The following MRE11 variants were observed in gnomAD, a reference collection of about 807,000 sequenced individuals.
MRE11 encodes double-strand break repair protein MRE11.
A neutral mutation model predicts 91.7 loss-of-function variants in MRE11; 62 were observed. The observed-to-expected ratio is 0.68, with a 90% confidence interval of 0.55 to 0.84. MRE11 has a LOEUF of 0.84. Among genes scored for constraint, MRE11 ranks in the 40% least tolerant of loss-of-function variants. The probability of loss-of-function intolerance (pLI) is 0.00; values close to 1 mark genes in which losing one functional copy is unlikely to be tolerated. For missense variants in MRE11, 796 were observed against 852.9 expected (o/e 0.93, Z 0.83); for synonymous variants, 273 against 271.4 (o/e 1.01, Z -0.06).
upstream of MRE11, chr11:94,493,864 A>T (rs1025486916): frequency 6.6e-6 from 1 of 152,222 alleles, no homozygotes; most frequent in Non-Finnish European, 1.5e-5. Flanking sequence ...GCGACACTTC[A>T]TGGATAACGT....
At chr11:94,420,274 G>A in intron 19 of MRE11, 93 bp from the exon 20 acceptor site, 1 of 958,236 alleles carries the variant, frequency 1.0e-6, no homozygotes, top group Non-Finnish European at 1.7e-6. Flanking sequence ...ACCAGTGAGA[G>A]TCATTTCACA....
chr11:94,440,215 T>C (rs1591646302), intron 16 of MRE11, among the ~76,000 whole-genome samples: 1 of 152,226 alleles, frequency 6.6e-6, no homozygotes, highest in South Asian at 2.1e-4. Flanking sequence ...TTTTCATAGA[T>C]GAATACTGTT....
At chr11:94,447,595 G>A (rs770115490) in intron 14 of MRE11, among the ~76,000 whole-genome samples, 157 bp from the exon 15 acceptor site, 30 of 150,432 alleles carry the variant, frequency 2.0e-4, no homozygotes, top group Non-Finnish European at 3.8e-4. Context: ...TTGGGAGGCC[G>A]AGGCGGGAGG....
chr11:94,493,959 C>T (rs11020802), upstream of MRE11: 368 of 152,210 alleles, frequency 2.4e-3, 3 homozygotes, highest in African/African-American at 8.1e-3. Flanking sequence ...CCCGCCCTCA[C>T]GCAGGAGCCA....
chr11:94,433,566 G>A (rs929594120), intron 18 of MRE11, among the ~76,000 whole-genome samples: 1 of 152,130 alleles, frequency 6.6e-6, no homozygotes, highest in Non-Finnish European at 1.5e-5. Flanking sequence ...ATTCTGGGAG[G>A]GACCTGGTGG....
At chr11:94,488,272 T>C (rs78625763) in intron 3 of MRE11, among the ~76,000 whole-genome samples, 3,768 of 152,230 alleles carry the variant, frequency 0.025, 74 homozygotes, top group Non-Finnish European at 0.032. Flanking sequence ...AAAATGCACC[T>C]TACATTCTAT....
Position 94,447,081 on chromosome 11 carries a change from T to C in MRE11, c.1783+138A>G, listed in dbSNP as rs1293617025. 4 of 921,734 alleles carry C rather than the reference T, an allele frequency of 4.3e-6. No individual in the cohort carries two copies. In the African/African-American group the frequency reaches 6.6e-5, roughly 15 times the overall value. The allele number at this position is 921,734 out of a possible 1,614,324, so 57.1% of individuals were successfully genotyped here. A position where few individuals can be genotyped will look rare whatever the true frequency, so the allele number is the denominator to read the frequency against. On this transcript the variant is annotated intron_variant, in intron 15 of 19. Transcript: ENST00000323929. Reference sequence around the variant, plus strand: ...TCAGAACTGCCTTAAAGACTGTCTTTATATATTATAAAAATAGATTTTTAA... The same window carrying C: ...TCAGAACTGCCTTAAAGACTGTCTTCATATATTATAAAAATAGATTTTTAA...
intron 10 of MRE11, among the ~76,000 whole-genome samples, chr11:94,465,353 A>G (rs750870656): frequency 3.3e-5 from 5 of 151,794 alleles, no homozygotes; most frequent in African/African-American, 4.8e-5. Context: ...GATTCCCTTA[A>G]AGTAATTATT....
chr11:94,459,732 G>C, intron 12 of MRE11, 151 bp from the exon 13 acceptor site: 4 of 867,812 alleles, frequency 4.6e-6, no homozygotes, highest in Non-Finnish European at 5.2e-6. Flanking sequence ...ACCAGAAAAA[G>C]CAAAGTCAAA....
chr11:94,509,657 G>A, the MRE11 span, among the ~76,000 whole-genome samples: 1 of 151,998 alleles, frequency 6.6e-6, no homozygotes, highest in African/African-American at 2.4e-5. Flanking sequence ...TGGCCAGATG[G>A]TCTCGATCCC....
chr11:94,417,902 C>T lies in MRE11; in HGVS notation c.*2223G>A, dbSNP rs1031727555. On this transcript the variant is annotated 3_prime_UTR_variant, in exon 20 of 20. Coordinates refer to ENST00000323929, the MANE Select transcript of MRE11 (RefSeq NM_005591.4). The stretch of plus-strand genomic sequence containing the variant: ...CGAGGAATCTTTAACCTTGTAAATG[C>T]ACTGTTGTATTTTTATGATAGGAAA... The T allele has an allele frequency of 4.3e-6, 1 of 232,874 alleles. No homozygotes were observed. Among genetic ancestry groups the T allele is most frequent in the Non-Finnish European group, 8.5e-6 (1 of 117,948 alleles). The allele number at this position is 232,874 out of a possible 1,614,324, so 14.4% of individuals were successfully genotyped here. A position where few individuals can be genotyped will look rare whatever the true frequency, so the allele number is the denominator to read the frequency against.
intron 16 of MRE11, among the ~76,000 whole-genome samples, chr11:94,442,756 A>G (rs1010761822): frequency 1.3e-5 from 2 of 152,232 alleles, no homozygotes; most frequent in Non-Finnish European, 2.9e-5. Context: ...AATCATATCT[A>G]AACAAACTAG....
chr11:94,461,333 T>C (rs947415201), intron 11 of MRE11, among the ~76,000 whole-genome samples: 2 of 152,194 alleles, frequency 1.3e-5, no homozygotes, highest in Non-Finnish European at 2.9e-5. Flanking sequence ...ACGTCAAAAA[T>C]ACTTTCATAA....
At chr11:94,425,147 A>T (rs1945276944) in intron 19 of MRE11, among the ~76,000 whole-genome samples, 1 of 152,250 alleles carries the variant, frequency 6.6e-6, no homozygotes, top group African/African-American at 2.4e-5. Context: ...ACCAGCGGAC[A>T]TCTCGGCAGA....
At chr11:94,447,146 G>A in intron 15 of MRE11, 73 bp downstream of exon 15, 1 of 1,405,430 alleles carries the variant, frequency 7.1e-7, no homozygotes, top group Non-Finnish European at 1.0e-6. Flanking sequence ...ATTCAACTCT[G>A]ACAAGATCTA....
rs917373379 is a variant in MRE11 at position 94,419,542 on chromosome 11, T to C, written c.*583A>G. 2 of 231,450 alleles carry C rather than the reference T, an allele frequency of 8.6e-6. No homozygotes were observed. Among genetic ancestry groups the C allele is most frequent in the African/African-American group, 4.5e-5 (2 of 44,772 alleles). 14.3% of individuals were successfully genotyped at this position (231,450 alleles called of 1,614,324 possible). On this transcript the variant is annotated 3_prime_UTR_variant, in exon 20 of 20. Transcript: ENST00000323929. ...AATAAAGGAAATTACTACCACTTAA[T>C]GGGAACACAATCTTTTGAAATCTTT...
the MRE11 span, among the ~76,000 whole-genome samples, chr11:94,501,999 T>A: frequency 6.6e-6 from 1 of 152,196 alleles, no homozygotes; most frequent in Non-Finnish European, 1.5e-5. Context: ...TCTCATCTGA[T>A]CTTCATGAAA....
intron 14 of MRE11, among the ~76,000 whole-genome samples, chr11:94,452,922 C>A (rs1009960245): frequency 6.6e-6 from 1 of 152,142 alleles, no homozygotes; most frequent in African/African-American, 2.4e-5. Flanking sequence ...ATCATCCCCC[C>A]ATCCATCTAT....
chr11:94,481,631 T>G (rs956930137), intron 4 of MRE11, among the ~76,000 whole-genome samples: 1 of 152,226 alleles, frequency 6.6e-6, no homozygotes, highest in African/African-American at 2.4e-5. Context: ...CAGTTTCTCC[T>G]AGCAGTTTTA....
Sources: allele counts gnomAD v4.1 joint callset (sites outside exome capture counted in the v4.1 genomes callset), GRCh38; gene constraint gnomAD v4.1.1; transcripts MANE v1.5; gene names NCBI Gene and HGNC (gene_info 2026-07-23, HGNC 2026-07-21).